The following TMEM236 variants were observed in gnomAD, a reference collection of about 807,000 sequenced individuals.
TMEM236 encodes the protein family with sequence similarity 23, member A.
In TMEM236, 11 loss-of-function variants were observed where a neutral mutation model predicts 14.7. The ratio of observed to expected loss-of-function variants is 0.75; its 90% CI spans 0.47 to 1.24. TMEM236 has a LOEUF of 1.24. TMEM236 is among the 50% of genes most tolerant of loss of function. The pLI, the probability that TMEM236 is intolerant of heterozygous loss-of-function variation, is 0.00. For synonymous variants in TMEM236, 182 were observed against 168.6 expected (o/e 1.08, Z -0.62); for missense variants, 464 against 427.3 (o/e 1.09, Z -0.76).
chr10:17,776,217 T>C, intron 3 of TMEM236, 47 bp downstream of exon 3: 1 of 1,562,740 alleles, frequency 6.4e-7, no homozygotes. Context: ...TTGATATATT[T>C]TTCACATTTC....
chr10:17,791,362 G>A (rs1473140123), intron 3 of TMEM236, among the ~76,000 whole-genome samples: 2 of 152,098 alleles, frequency 1.3e-5, no homozygotes, highest in African/African-American at 4.8e-5. Flanking sequence ...GGAGGCTGAG[G>A]CAGGAGGATC....
chr10:17,762,943 A>G (rs1034710472), intron 1 of TMEM236, among the ~76,000 whole-genome samples: 3 of 149,628 alleles, frequency 2.0e-5, no homozygotes, highest in Middle Eastern at 3.8e-3. Context: ...ATGAGCCACC[A>G]TGCCCAGCCT....
intron 1 of TMEM236, among the ~76,000 whole-genome samples, chr10:17,761,350 C>A (rs1376486465): frequency 1.3e-5 from 2 of 152,118 alleles, no homozygotes; most frequent in African/African-American, 4.8e-5. Flanking sequence ...CTTTTCTCCC[C>A]CCTGCATTCC....
chr10:17,798,260 C>T lies in TMEM236; in HGVS notation c.*1756C>T, dbSNP rs1017061373. On this transcript the variant is annotated 3_prime_UTR_variant, in exon 4 of 4. Transcript: ENST00000377495. ...GAAGCTTAAGAATTTGACATATGGC[C>T]GGCTGTGGTGGCTCACACGTGTAAT... The T allele has an allele frequency of 2.9e-4, 69 of 234,516 alleles. 1 individual carries two copies. The East Asian group carries it at 7.5e-3, about 25-fold the overall frequency. The allele number at this position is 234,516 out of a possible 1,614,324, so 14.5% of individuals were successfully genotyped here. A position where few individuals can be genotyped will look rare whatever the true frequency, so the allele number is the denominator to read the frequency against.
intron 1 of TMEM236, among the ~76,000 whole-genome samples, chr10:17,760,426 CA>C (rs1221351174): frequency 1.3e-4 from 20 of 151,494 alleles, no homozygotes; most frequent in East Asian, 7.8e-4. Context: ...GATCATCAAA[CA>C]ATAAGTATGT....
chr10:17,759,084 G>C (rs886955076), intron 1 of TMEM236, among the ~76,000 whole-genome samples: 4 of 152,144 alleles, frequency 2.6e-5, no homozygotes, highest in African/African-American at 2.4e-5. Flanking sequence ...AACACTTCCT[G>C]ATTTTTCTGG....
intron 1 of TMEM236, among the ~76,000 whole-genome samples, chr10:17,759,326 A>C (rs1035510010): frequency 6.6e-6 from 1 of 152,314 alleles, no homozygotes; most frequent in East Asian, 1.9e-4. Context: ...TAATCCTAGA[A>C]TATTTGTGGA....
chr10:17,764,049 A>G (rs1837420349), intron 1 of TMEM236, among the ~76,000 whole-genome samples: 1 of 152,158 alleles, frequency 6.6e-6, no homozygotes. Context: ...GAGTGTTAAT[A>G]TATGTTGGAA....
At chr10:17,794,553 A>G (rs899525404) in intron 3 of TMEM236, among the ~76,000 whole-genome samples, 15 of 151,720 alleles carry the variant, frequency 9.9e-5, no homozygotes, top group Admixed American at 2.0e-4. Flanking sequence ...ACACACACGC[A>G]CACACACACA....
At chr10:17,762,219 C>T (rs973059536) in intron 1 of TMEM236, among the ~76,000 whole-genome samples, 29 of 152,126 alleles carry the variant, frequency 1.9e-4, no homozygotes, top group African/African-American at 4.8e-4. Flanking sequence ...ATCTCAACCA[C>T]GCCACATCTC....
At chr10:17,767,269 T>C (rs910393733) in intron 1 of TMEM236, among the ~76,000 whole-genome samples, 4 of 152,094 alleles carry the variant, frequency 2.6e-5, no homozygotes, top group Non-Finnish European at 5.9e-5. Context: ...CAGACCAGCC[T>C]GACCAAGATG....
rs900215437 is a variant in TMEM236 at position 17,785,108 on chromosome 10, A to G, written c.472+8938A>G. Among the ~76,000 whole-genome samples the G allele has an allele frequency of 6.9e-3, 1,045 of 152,340 alleles. 11 individuals carry two copies. Among genetic ancestry groups the G allele is most frequent in the African/African-American group, 0.024 (986 of 41,578 alleles). ...TCTTTCTGAGTTATTTCTTCTTGGT[A>G]TTGACTTACCAGAATATAATTTCTG... On this transcript the variant is annotated intron_variant, in intron 3 of 3. Coordinates refer to ENST00000377495, the MANE Select transcript of TMEM236 (RefSeq NM_001098844.3).
At chr10:17,792,274 G>C (rs1010714705) in intron 3 of TMEM236, among the ~76,000 whole-genome samples, 26 of 152,216 alleles carry the variant, frequency 1.7e-4, no homozygotes, top group Admixed American at 6.5e-4. Context: ...TTTTTAGTAG[G>C]GATGGGTTTC....
At chr10:17,762,608 T>TAC (rs1250262399) in intron 1 of TMEM236, among the ~76,000 whole-genome samples, 1 of 78,906 alleles carries the variant, frequency 1.3e-5, no homozygotes, top group Non-Finnish European at 2.1e-5. Context: ...TATATATATA[T>TAC]ATATATATAT....
intron 3 of TMEM236, among the ~76,000 whole-genome samples, chr10:17,795,393 G>T (rs1260351151): frequency 6.6e-6 from 1 of 152,136 alleles, no homozygotes; most frequent in Non-Finnish European, 1.5e-5. Context: ...TGTAAAATGG[G>T]ATAGTAATCC....
Position 17,796,048 on chromosome 10 carries a change from A to G in TMEM236, c.600A>G (p.Pro200=), listed in dbSNP as rs1196617504. The change falls in exon 4 of 4, where the codon CCA becomes CCG. Residue 200 remains proline, a synonymous_variant. Transcript: ENST00000377495. ...CCAACAGCACCCAGGTGTCGCAGCC[A>G]TCAGGAGCCATGACACGGAGCCAGG... ...QATNSTQVSQ[P]SGAMTRSQES... is the part of the protein sequence containing the mutation. 48 of 1,613,962 alleles carry G rather than the reference A, an allele frequency of 3.0e-5. No homozygotes were observed. The African/African-American group carries it at 3.1e-4, about 10-fold the overall frequency.
intron 3 of TMEM236, among the ~76,000 whole-genome samples, chr10:17,790,686 A>G (rs1189872266): frequency 1.3e-5 from 2 of 152,204 alleles, no homozygotes; most frequent in African/African-American, 4.8e-5. Flanking sequence ...TTCAAAAATC[A>G]TTTTAAAAGG....
intron 1 of TMEM236, among the ~76,000 whole-genome samples, chr10:17,770,196 A>G (rs1837546353): frequency 6.6e-6 from 1 of 152,176 alleles, no homozygotes; most frequent in African/African-American, 2.4e-5. Context: ...GGAGAAATTA[A>G]TAATTTGAAA....
chr10:17,782,562 G>A (rs902113192), intron 3 of TMEM236, among the ~76,000 whole-genome samples: 5 of 151,910 alleles, frequency 3.3e-5, no homozygotes, highest in Admixed American at 2.0e-4. Flanking sequence ...AGCGATTCTC[G>A]TGCCTCAGCC....
Sources: gnomAD v4.1 joint callset for allele counts (sites outside exome capture counted in the v4.1 genomes callset) on GRCh38, gnomAD v4.1.1 for gene constraint, MANE v1.5 for transcripts, NCBI Gene and HGNC (gene_info 2026-07-23, HGNC 2026-07-21) for gene names.